The following TSHZ2 variants were observed in gnomAD, a reference collection of about 807,000 sequenced individuals.
TSHZ2 encodes teashirt homolog 2.
TSHZ2 carries 21 observed loss-of-function variants against 74.4 expected under a neutral mutation model. The ratio of observed to expected loss-of-function variants is 0.28; its 90% CI spans 0.20 to 0.41. The LOEUF (loss-of-function observed/expected upper bound fraction) is 0.41. Among genes scored for constraint, TSHZ2 ranks in the 10% least tolerant of loss-of-function variants. The pLI is 1.00. For missense variants in TSHZ2, 1,244 were observed against 1,293.5 expected, an observed-to-expected ratio of 0.96 and a Z score of 0.59; for synonymous variants, 540 against 515.3, an observed-to-expected ratio of 1.05 and a Z score of -0.65.
intron 1 of TSHZ2, among the ~76,000 whole-genome samples, chr20:53,016,045 A>G (rs1280693287): frequency 6.6e-6 from 1 of 152,238 alleles, no homozygotes; most frequent in East Asian, 1.9e-4. Flanking sequence ...GTAAATCACC[A>G]TAATGGACGA....
At chr20:53,361,058 G>A (rs34457318) in intron 2 of TSHZ2, among the ~76,000 whole-genome samples, 9,880 of 152,174 alleles carry the variant, frequency 0.065, 332 homozygotes, top group Non-Finnish European at 0.076. Flanking sequence ...CTCTGTACCC[G>A]CTGCCCGCCC....
intron 2 of TSHZ2, among the ~76,000 whole-genome samples, chr20:53,383,965 G>A (rs1036954265): frequency 2.0e-5 from 3 of 152,102 alleles, no homozygotes; most frequent in African/African-American, 4.8e-5. Flanking sequence ...ATCCTACTTT[G>A]GCAGTTTAAC....
chr20:52,985,427 A>C (rs1200522302), intron 1 of TSHZ2, among the ~76,000 whole-genome samples: 1 of 152,238 alleles, frequency 6.6e-6, no homozygotes, highest in East Asian at 1.9e-4. Flanking sequence ...CATTTTAGTC[A>C]TTCTATTAAC....
intron 1 of TSHZ2, among the ~76,000 whole-genome samples, chr20:53,067,730 CT>C (rs1027624249): frequency 6.6e-6 from 1 of 152,184 alleles, no homozygotes; most frequent in Non-Finnish European, 1.5e-5. Flanking sequence ...ACTTTCTTGC[CT>C]TTAAAACTCC....
chr20:53,235,346 T>A (rs1304985194), intron 1 of TSHZ2, among the ~76,000 whole-genome samples: 2 of 151,840 alleles, frequency 1.3e-5, no homozygotes, highest in African/African-American at 4.8e-5. Context: ...TTTTTTGTAT[T>A]TTTAGTAGAG....
intron 2 of TSHZ2, among the ~76,000 whole-genome samples, chr20:53,258,779 C>T (rs1354254833): frequency 1.3e-5 from 2 of 152,112 alleles, no homozygotes; most frequent in African/African-American, 2.4e-5. Flanking sequence ...TCGAAAGCAC[C>T]GTATTGGTGT....
intron 2 of TSHZ2, among the ~76,000 whole-genome samples, chr20:53,356,632 G>A (rs1980856570): frequency 6.6e-6 from 1 of 152,146 alleles, no homozygotes; most frequent in Admixed American, 6.5e-5. Flanking sequence ...TGGCCAGGGA[G>A]GAGAGGCAAA....
chr20:53,065,295 G>C (rs1201835460), intron 1 of TSHZ2, among the ~76,000 whole-genome samples: 1 of 152,098 alleles, frequency 6.6e-6, no homozygotes, highest in Non-Finnish European at 1.5e-5. Context: ...ATTATTACTT[G>C]TATGCTCTGA....
intron 1 of TSHZ2, among the ~76,000 whole-genome samples, chr20:53,067,112 C>T (rs1985016058): frequency 1.3e-5 from 2 of 152,172 alleles, no homozygotes; most frequent in Non-Finnish European, 2.9e-5. Flanking sequence ...CAGTGAATTG[C>T]TTTGGTCCGT....
chr20:53,043,344 C>T (rs1407715931), intron 1 of TSHZ2, among the ~76,000 whole-genome samples: 1 of 152,092 alleles, frequency 6.6e-6, no homozygotes. Context: ...TTTTTGTTGT[C>T]ACAACTCAGG....
At chr20:53,088,505 G>A (rs114715461) in intron 1 of TSHZ2, among the ~76,000 whole-genome samples, 1,548 of 152,220 alleles carry the variant, frequency 0.01, 29 homozygotes, top group African/African-American at 0.036. Context: ...TTGGCCCTCC[G>A]TCCTGCTGTT....
chr20:53,414,921 A>T (rs1983182827), intron 2 of TSHZ2, among the ~76,000 whole-genome samples: 1 of 152,110 alleles, frequency 6.6e-6, no homozygotes, highest in African/African-American at 2.4e-5. Context: ...TTCTTTTTTC[A>T]GATGGACAAG....
chr20:53,322,239 T>A (rs1191889868), intron 2 of TSHZ2, among the ~76,000 whole-genome samples: 1 of 152,108 alleles, frequency 6.6e-6, no homozygotes, highest in Non-Finnish European at 1.5e-5. Context: ...AAGACTTGAG[T>A]CTGAGCCAGG....
At chr20:52,984,344 GA>G (rs1402270201) in intron 1 of TSHZ2, among the ~76,000 whole-genome samples, 1 of 152,212 alleles carries the variant, frequency 6.6e-6, no homozygotes, top group Admixed American at 6.5e-5. Context: ...GGTGTTTGCA[GA>G]GGGTGTTTGC....
At chr20:53,302,681 C>T (rs1162145686) in intron 2 of TSHZ2, among the ~76,000 whole-genome samples, 1 of 152,146 alleles carries the variant, frequency 6.6e-6, no homozygotes, top group African/African-American at 2.4e-5. Flanking sequence ...TCCTTATTCT[C>T]AAGAAAGGAG....
intron 1 of TSHZ2, among the ~76,000 whole-genome samples, chr20:53,212,295 A>G (rs1048923495): frequency 2.0e-5 from 3 of 152,252 alleles, no homozygotes; most frequent in Non-Finnish European, 4.4e-5. Context: ...TCTTTAGAGG[A>G]AAAAAGAACA....
intron 2 of TSHZ2, among the ~76,000 whole-genome samples, chr20:53,368,197 G>T (rs1003567381): frequency 6.6e-6 from 1 of 151,568 alleles, no homozygotes; most frequent in African/African-American, 2.4e-5. Flanking sequence ...TCTTTCAGGG[G>T]AAGTTCAGTA....
chr20:53,443,068 G>T (rs1359062586), intron 2 of TSHZ2, among the ~76,000 whole-genome samples: 1 of 152,096 alleles, frequency 6.6e-6, no homozygotes, highest in East Asian at 1.9e-4. Flanking sequence ...AAAAATTACA[G>T]TTTTGCATTG....
chr20:53,361,743 C>T (rs930886932), intron 2 of TSHZ2, among the ~76,000 whole-genome samples: 1 of 152,156 alleles, frequency 6.6e-6, no homozygotes, highest in African/African-American at 2.4e-5. Context: ...TCCCGTAATG[C>T]ACAAGACAGT....
Sources: gnomAD v4.1 joint callset for allele counts (sites outside exome capture counted in the v4.1 genomes callset) on GRCh38, gnomAD v4.1.1 for gene constraint, MANE v1.5 for transcripts, NCBI Gene and HGNC (gene_info 2026-07-23, HGNC 2026-07-21) for gene names.